The following DPP6 variants were observed in gnomAD, a reference collection of about 807,000 sequenced individuals.
DPP6 encodes the protein A-type potassium channel modulatory protein DPP6.
DPP6 carries 69 observed loss-of-function variants against 122.6 expected under a neutral mutation model. The observed-to-expected ratio is 0.56, with a 90% CI of 0.46 to 0.69. DPP6 has a LOEUF of 0.69. DPP6 is among the 30% of genes least tolerant of loss of function. DPP6 has a pLI of 0.00. For missense variants in DPP6, 928 were observed against 1,116.9 expected, an observed-to-expected ratio of 0.83 and a Z score of 2.41; for synonymous variants, 418 against 433.1, an observed-to-expected ratio of 0.97 and a Z score of 0.43.
chr7:154,074,022 T>A (rs1395857222), intron 1 of DPP6, among the ~76,000 whole-genome samples: 8 of 129,888 alleles, frequency 6.2e-5, no homozygotes, highest in South Asian at 2.4e-4. Flanking sequence ...TATGTATGTA[T>A]GTATGTATGT....
chr7:154,228,573 T>A (rs1233414163), intron 1 of DPP6, among the ~76,000 whole-genome samples: 1 of 152,196 alleles, frequency 6.6e-6, no homozygotes, highest in Non-Finnish European at 1.5e-5. Context: ...AAAGAATCTA[T>A]TTCTCTTCAT....
chr7:154,886,105 A>G (rs1008556182), intron 22 of DPP6, among the ~76,000 whole-genome samples: 1 of 152,222 alleles, frequency 6.6e-6, no homozygotes, highest in East Asian at 1.9e-4. Context: ...CTCTGCTCCC[A>G]GAAGAATCCG....
At chr7:154,384,860 A>G (rs2151151111) in intron 1 of DPP6, among the ~76,000 whole-genome samples, 1 of 152,092 alleles carries the variant, frequency 6.6e-6, no homozygotes, top group East Asian at 1.9e-4. Context: ...ACATATAGAC[A>G]GTGGGATACT....
At chr7:154,074,950 TCAG>T (rs1348208886) in intron 1 of DPP6, among the ~76,000 whole-genome samples, 2 of 149,440 alleles carry the variant, frequency 1.3e-5, no homozygotes, top group African/African-American at 4.9e-5. Flanking sequence ...CTCAAACAAA[TCAG>T]CAAGAAAAAA....
intron 10 of DPP6, 124 bp from the exon 11 acceptor site, chr7:154,793,955 C>G (rs1351471507): frequency 7.0e-7 from 1 of 1,423,022 alleles, no homozygotes; most frequent in African/African-American, 1.4e-5. Context: ...CGCAGGCTGG[C>G]TGTGTCACCA....
At chr7:154,329,511 G>A (rs987991054) in intron 1 of DPP6, among the ~76,000 whole-genome samples, 6 of 152,210 alleles carry the variant, frequency 3.9e-5, no homozygotes, top group Admixed American at 1.3e-4. Context: ...TTAGAATGGC[G>A]ATCATTAAAA....
intron 1 of DPP6, among the ~76,000 whole-genome samples, chr7:154,240,022 A>C (rs1801484841): frequency 1.3e-5 from 1 of 75,250 alleles, no homozygotes; most frequent in Non-Finnish European, 2.9e-5. Context: ...AAAAAAAAAA[A>C]AAAAAAAAAA....
At position 154,403,552 on chromosome 7, in the gene DPP6, A is replaced by G. The variant is rs1049074592; in HGVS notation, c.244-42662A>G. 1.3e-5 allele frequency among the ~76,000 whole-genome samples: 2 copies of G among 152,134 alleles called. No individual in the cohort carries two copies. Among genetic ancestry groups the G allele is most frequent in the Non-Finnish European group, 2.9e-5 (2 of 68,032 alleles). ...TGCTGCGGAAGCTCCTGTGCATCCA[A>G]CTCTGGGCTGGGAAAGCAAAGAGCA... On this transcript the variant is annotated intron_variant, in intron 1 of 25. Transcript: ENST00000377770. The surrounding 1 kb of genome is among the most constrained non-coding windows in gnomAD (Gnocchi z 4.1).
At chr7:154,417,172 T>C (rs1366010673) in intron 1 of DPP6, among the ~76,000 whole-genome samples, 1 of 152,198 alleles carries the variant, frequency 6.6e-6, no homozygotes, top group Non-Finnish European at 1.5e-5. Context: ...TCGGGTGATC[T>C]CAGGGAACAT....
chr7:154,499,621 G>A (rs1173975588), intron 3 of DPP6, among the ~76,000 whole-genome samples: 1 of 151,622 alleles, frequency 6.6e-6, no homozygotes, highest in Non-Finnish European at 1.5e-5. Context: ...GTATATTTTG[G>A]TTAAAAAAAT....
At chr7:154,710,017 CGGTCAGCCAGCAG>C (rs1166912544) in intron 7 of DPP6, among the ~76,000 whole-genome samples, 1 of 152,192 alleles carries the variant, frequency 6.6e-6, no homozygotes, top group Non-Finnish European at 1.5e-5. Context: ...GGGGCAGCAA[CGGTCAGCCAGCAG>C]GGTGACGTCA....
intron 7 of DPP6, among the ~76,000 whole-genome samples, chr7:154,698,022 A>C (rs1389901435): frequency 6.6e-6 from 1 of 152,178 alleles, no homozygotes; most frequent in Non-Finnish European, 1.5e-5. Flanking sequence ...GAATATAGTA[A>C]AAAATAGGAA....
intron 1 of DPP6, among the ~76,000 whole-genome samples, chr7:154,115,206 C>T (rs1445605793): frequency 6.6e-6 from 1 of 152,134 alleles, no homozygotes. Flanking sequence ...CAAAGGCAAC[C>T]AGTATATATG....
At chr7:154,853,723 G>T (rs903894383) in intron 16 of DPP6, 57 bp from the exon 17 acceptor site, 1 of 1,545,382 alleles carries the variant, frequency 6.5e-7, no homozygotes, top group East Asian at 2.4e-5. Flanking sequence ...TCTTGTTCTC[G>T]GCTAAACTAA....
At chr7:153,778,891 C>G in the DPP6 span, among the ~76,000 whole-genome samples, 1 of 149,318 alleles carries the variant, frequency 6.7e-6, no homozygotes, top group Non-Finnish European at 1.5e-5. Context: ...CAACTGTTTA[C>G]AGCAACTTTA....
intron 1 of DPP6, among the ~76,000 whole-genome samples, chr7:153,952,270 G>A (rs10247237): frequency 0.34 from 51,185 of 152,014 alleles, 9,103 homozygotes; most frequent in East Asian, 0.59. Context: ...TGTTATTTCA[G>A]CATAGCTGCC....
At chr7:154,274,753 G>T (rs1804018221) in intron 1 of DPP6, among the ~76,000 whole-genome samples, 1 of 152,136 alleles carries the variant, frequency 6.6e-6, no homozygotes, top group Non-Finnish European at 1.5e-5. Context: ...TGTATATTAG[G>T]CTCTAAACCT....
chr7:154,003,572 C>T (rs1171077105), intron 1 of DPP6, among the ~76,000 whole-genome samples: 3 of 152,162 alleles, frequency 2.0e-5, no homozygotes, highest in Non-Finnish European at 4.4e-5. Context: ...AAGACAGCAT[C>T]ATGTTATGAA....
At chr7:154,750,711 G>A (rs1457094913) in intron 8 of DPP6, among the ~76,000 whole-genome samples, 1 of 152,194 alleles carries the variant, frequency 6.6e-6, no homozygotes, top group Non-Finnish European at 1.5e-5. Context: ...AGAGACAAGC[G>A]TGCCGTGTGG....
Sources: allele counts gnomAD v4.1 joint callset (sites outside exome capture counted in the v4.1 genomes callset), GRCh38; gene constraint gnomAD v4.1.1; non-coding constraint Gnocchi (gnomAD v3.1); transcripts MANE v1.5; gene names NCBI Gene and HGNC (gene_info 2026-07-23, HGNC 2026-07-21).